Variants in ANKRD11 observed in about 807,000 individuals in gnomAD.
ANKRD11 encodes the protein ankyrin repeat domain-containing protein 11.
A neutral mutation model predicts 195.7 loss-of-function variants in ANKRD11; 17 were observed. The ratio of observed to expected loss-of-function variants is 0.09; its 90% CI spans 0.06 to 0.13. ANKRD11 has a LOEUF of 0.13. Among genes scored for constraint, ANKRD11 ranks in the 10% least tolerant of loss-of-function variants. ANKRD11 has a pLI of 1.00. For synonymous variants in ANKRD11, 1,953 were observed against 1,528.1 expected (o/e 1.28, Z -6.49); for missense variants, 3,735 against 3,566.1 (o/e 1.05, Z -1.21).
chr16:89,274,377 T>C (rs2033456550), intron 11 of ANKRD11, among the ~76,000 whole-genome samples: 1 of 152,198 alleles, frequency 6.6e-6, no homozygotes, highest in South Asian at 2.1e-4. Context: ...GTGTCCCTGC[T>C]GTCCCCGTAT....
intron 1 of ANKRD11, among the ~76,000 whole-genome samples, chr16:89,468,550 CA>C (rs2056960063): frequency 6.6e-6 from 1 of 152,100 alleles, no homozygotes; most frequent in South Asian, 2.1e-4. Context: ...ACTAAAAATA[CA>C]AAAATTAGCC....
chr16:89,444,759 C>G (rs1178898694), intron 1 of ANKRD11, among the ~76,000 whole-genome samples: 12 of 152,064 alleles, frequency 7.9e-5, no homozygotes, highest in Non-Finnish European at 1.5e-4. Flanking sequence ...GGCTGGATAA[C>G]ACAGCCAGAT....
At chr16:89,438,882 G>A (rs1357336358) in intron 1 of ANKRD11, among the ~76,000 whole-genome samples, 1 of 151,998 alleles carries the variant, frequency 6.6e-6, no homozygotes, top group Non-Finnish European at 1.5e-5. Context: ...GGGGTTGCAT[G>A]CCTGTGATCC....
In ANKRD11 at chr16:89,278,745, CGGGGAGTGGAGAGGGGAGAGT is replaced by C. The variant is rs2033889048; in HGVS notation, c.7470+306_7470+326del. The C allele has an allele frequency of 5.6e-6, 3 of 536,650 alleles. No individual in the cohort carries two copies. The Admixed American group carries it at 6.7e-5, about 12-fold the overall frequency. The allele number at this position is 536,650 out of a possible 1,614,324, so 33.2% of individuals were successfully genotyped here. ...GCTCTCGTGAGGCCGTCCTGGTGGACGGGGAGTGGAGAGGGGAGAGTGAGCGGCGTGAAGGGGGAGCCCCAC... is the reference window on the plus strand; with the variant it reads ...GCTCTCGTGAGGCCGTCCTGGTGGACGAGCGGCGTGAAGGGGGAGCCCCAC... On this transcript the variant is annotated intron_variant, in intron 9 of 12. Transcript: ENST00000301030.
At chr16:89,481,599 G>A (rs2057447750) in intron 1 of ANKRD11, among the ~76,000 whole-genome samples, 1 of 152,134 alleles carries the variant, frequency 6.6e-6, no homozygotes, top group South Asian at 2.1e-4. Flanking sequence ...CAAAGCCAGT[G>A]CTTTCATCTA....
At chr16:89,270,728 C>G (rs903546862) in intron 12 of ANKRD11, 89 bp downstream of exon 12, 2 of 1,305,682 alleles carry the variant, frequency 1.5e-6, no homozygotes, top group East Asian at 2.5e-5. Flanking sequence ...GGCCTCCCCC[C>G]AGGCAGCGCA....
At chr16:89,322,686 G>A (rs2151939888) in intron 2 of ANKRD11, among the ~76,000 whole-genome samples, 2 of 152,284 alleles carry the variant, frequency 1.3e-5, no homozygotes, top group South Asian at 4.1e-4. Context: ...GGGAGGGTGG[G>A]GAAGGGGGAG....
At chr16:89,432,944 ATCTCTCTCTCTCTCTCTCTCTC>A (rs56770747) in intron 1 of ANKRD11, among the ~76,000 whole-genome samples, 9 of 108,650 alleles carry the variant, frequency 8.3e-5, no homozygotes, top group East Asian at 2.8e-4. Flanking sequence ...CAGAGACCCT[ATCTCTCTCTCTCTCTCTCTCTC>A]TCTCTCTCTC....
At chr16:89,434,813 G>A (rs139809167) in intron 1 of ANKRD11, among the ~76,000 whole-genome samples, 7 of 152,342 alleles carry the variant, frequency 4.6e-5, no homozygotes, top group East Asian at 3.9e-4. Context: ...GGATGGAGAC[G>A]CGGCGAGGAC....
At position 89,284,778 on chromosome 16, in the gene ANKRD11, C is replaced by A. The variant is rs762077340; in HGVS notation, c.1764G>T (p.Ser588=). 1.9e-6 allele frequency: 3 copies of A among 1,613,416 alleles called. No individual in the cohort carries two copies. The highest frequency in any genetic ancestry group is 1.7e-5 in the Admixed American group (1 of 60,006). The change falls in exon 9 of 13, where the codon TCG becomes TCT. Residue 588 remains serine, a synonymous_variant. Transcript: ENST00000301030. The part of the protein sequence containing the change: ...DYSSEGSSVE[S]LKPVRKRQEH... ...CCTGCCTCTTCCTCACTGGCTTCAGCGATTCCACACTGGAGCCCTCAGAGG... is the reference window on the plus strand; with the variant it reads ...CCTGCCTCTTCCTCACTGGCTTCAGAGATTCCACACTGGAGCCCTCAGAGG...
At chr16:89,467,996 G>T (rs1341862313) in intron 1 of ANKRD11, among the ~76,000 whole-genome samples, 1 of 152,034 alleles carries the variant, frequency 6.6e-6, no homozygotes, top group Admixed American at 6.6e-5. Flanking sequence ...TAGAGACGGG[G>T]TTTGGTTATG....
chr16:89,306,477 G>A (rs1355130673), intron 3 of ANKRD11, among the ~76,000 whole-genome samples: 1 of 102,164 alleles, frequency 9.8e-6, no homozygotes, highest in Non-Finnish European at 1.9e-5. Flanking sequence ...CTCCCACTCC[G>A]CAGACACGCG....
In ANKRD11 at chr16:89,282,555, A is replaced by G. The variant is rs781245065; in HGVS notation, c.3987T>C (p.Pro1329=). The G allele has an allele frequency of 2.5e-6, 4 of 1,613,954 alleles. No individual in the cohort carries two copies. In the South Asian group the frequency reaches 4.4e-5, roughly 18 times the overall value. ...AFLEVSFTEP[P]GDDKPRESAC... Reference sequence around the variant, plus strand: ...CGCTCTCCCTCGGCTTGTCGTCTCCAGGTGGCTCCGTGAAAGAGACCTCCA... The same window carrying G: ...CGCTCTCCCTCGGCTTGTCGTCTCCGGGTGGCTCCGTGAAAGAGACCTCCA... Residue 1329 remains proline (P), a synonymous_variant, in exon 9 of 13, where the codon CCT becomes CCC. Transcript: ENST00000301030.
At chr16:89,443,844 G>A (rs1304547254) in intron 1 of ANKRD11, among the ~76,000 whole-genome samples, 1 of 152,228 alleles carries the variant, frequency 6.6e-6, no homozygotes, top group Non-Finnish European at 1.5e-5. Flanking sequence ...CGTGAGTGCA[G>A]AGCAAGCCTG....
At chr16:89,446,794 G>C (rs1043985434) in intron 1 of ANKRD11, among the ~76,000 whole-genome samples, 5 of 152,100 alleles carry the variant, frequency 3.3e-5, no homozygotes, top group African/African-American at 1.2e-4. Context: ...CTCACACACA[G>C]CCTCCCACTC....
intron 2 of ANKRD11, among the ~76,000 whole-genome samples, chr16:89,326,469 G>T (rs745447840): frequency 2.0e-4 from 30 of 152,096 alleles, no homozygotes; most frequent in Non-Finnish European, 4.0e-4. Flanking sequence ...ATAGGGCCAG[G>T]CACGGTGGCT....
chr16:89,280,108 G>A lies in ANKRD11; in HGVS notation c.6434C>T (p.Thr2145Ile), dbSNP rs761862402. The change falls in exon 9 of 13, where the codon ACT (threonine) becomes ATT (isoleucine). Residue 2145 changes from threonine (T) to isoleucine (I), a missense_variant. Physicochemically the swap from Thr to Ile is moderately conservative, Grantham distance 89. Coordinates refer to ENST00000301030, the MANE Select transcript of ANKRD11 (RefSeq NM_013275.6). ...PFSLPELPLQ[T>I]KDAADGEAEP... ...CGCTTCACCATCTGCGGCATCTTTAGTCTGCAGGGGAAGCTCCGGCAGGGA... is the reference window on the plus strand; with the variant it reads ...CGCTTCACCATCTGCGGCATCTTTAATCTGCAGGGGAAGCTCCGGCAGGGA... 1.7e-5 allele frequency: 28 copies of A among 1,612,960 alleles called. 1 individual carries two copies. In the South Asian group the frequency reaches 2.5e-4, roughly 15 times the overall value.
chr16:89,322,916 T>G (rs1441167637), intron 2 of ANKRD11, among the ~76,000 whole-genome samples: 1 of 152,226 alleles, frequency 6.6e-6, no homozygotes, highest in Non-Finnish European at 1.5e-5. Flanking sequence ...TGATCACAGC[T>G]CACTGTAGCC....
intron 1 of ANKRD11, among the ~76,000 whole-genome samples, chr16:89,441,765 TA>T (rs1408631034): frequency 1.4e-4 from 1 of 7,180 alleles, no homozygotes; most frequent in Non-Finnish European, 2.2e-4. Flanking sequence ...AGACTCCGCC[TA>T]CAAAAAAAAA....
Sources: gnomAD v4.1 joint callset for allele counts (sites outside exome capture counted in the v4.1 genomes callset) on GRCh38, gnomAD v4.1.1 for gene constraint, MANE v1.5 for transcripts, NCBI Gene and HGNC (gene_info 2026-07-23, HGNC 2026-07-21) for gene names.